Variants in DBT observed in about 807,000 individuals in gnomAD.
DBT encodes lipoamide acyltransferase component of branched-chain alpha-keto acid dehydrogenase complex, mitochondrial.
A neutral mutation model predicts 51.3 loss-of-function variants in DBT; 40 were observed. That is an observed-to-expected ratio of 0.78 (90% CI 0.61 to 1.02). DBT has a LOEUF of 1.02. Ranked by LOEUF, DBT falls within the 50% of genes least tolerant of loss-of-function variation. DBT has a pLI of 0.00. For missense variants in DBT, 510 were observed against 580.2 expected, an observed-to-expected ratio of 0.88 and a Z score of 1.24; for synonymous variants, 181 against 190.4, an observed-to-expected ratio of 0.95 and a Z score of 0.41.
At chr1:100,238,637 A>G (rs1664041790) in intron 2 of DBT, among the ~76,000 whole-genome samples, 1 of 152,084 alleles carries the variant, frequency 6.6e-6, no homozygotes, top group African/African-American at 2.4e-5. Context: ...CTGGGACTAC[A>G]GGTGTGGACC....
Position 100,216,096 on chromosome 1 carries a change from G to C in DBT, c.659C>G (p.Ser220Ter). 6.2e-7 allele frequency: 1 copy of C among 1,613,438 alleles called. No individual in the cohort carries two copies. Among genetic ancestry groups the C allele is most frequent in the Non-Finnish European group, 8.5e-7 (1 of 1,179,380 alleles). Residue 220 changes from serine (S) to a stop codon, truncating the protein, a stop_gained, in exon 6 of 11, where the codon TCA becomes TGA. Coordinates refer to ENST00000370132, the MANE Select transcript of DBT (RefSeq NM_001918.5). LOFTEE classifies it high-confidence loss of function. ...AGGTGGCATAATTTCAACTTTGGGTGAAGGAGGCAATATAGCTCCTGTCTG... is the reference window on the plus strand; with the variant it reads ...AGGTGGCATAATTTCAACTTTGGGTCAAGGAGGCAATATAGCTCCTGTCTG... ...EKQTGAILPP[S>*]PKVEIMPPPP...
At chr1:100,222,731 C>T (rs192817431) in intron 4 of DBT, among the ~76,000 whole-genome samples, 1 of 152,284 alleles carries the variant, frequency 6.6e-6, no homozygotes, top group Admixed American at 6.5e-5. Flanking sequence ...AAGTATTCTG[C>T]TAAAGCTCAT....
intron 2 of DBT, among the ~76,000 whole-genome samples, chr1:100,238,894 A>G (rs1664054280): frequency 6.6e-6 from 1 of 151,882 alleles, no homozygotes; most frequent in Non-Finnish European, 1.5e-5. Context: ...GTACAAGAAG[A>G]GAGGGCAAAG....
intron 2 of DBT, among the ~76,000 whole-genome samples, chr1:100,240,024 A>C (rs1245914981): frequency 6.6e-6 from 1 of 152,150 alleles, no homozygotes; most frequent in African/African-American, 2.4e-5. Context: ...TTCTAAATAG[A>C]ACATCAGGAA....
chr1:100,224,404 G>T (rs567795481), intron 4 of DBT, among the ~76,000 whole-genome samples: 3 of 152,014 alleles, frequency 2.0e-5, no homozygotes, highest in Admixed American at 2.0e-4. Context: ...TCATTAAGCT[G>T]AATTTAATTT....
At chr1:100,225,042 A>AT (rs1334781885) in intron 4 of DBT, among the ~76,000 whole-genome samples, 3,505 of 45,612 alleles carry the variant, frequency 0.077, 562 homozygotes, top group African/African-American at 0.13. Context: ...AAAAAAAAAA[A>AT]ATATATATAT....
At chr1:100,205,531 A>T (rs938662735) in intron 10 of DBT, among the ~76,000 whole-genome samples, 2 of 152,216 alleles carry the variant, frequency 1.3e-5, no homozygotes, top group African/African-American at 4.8e-5. Flanking sequence ...CCATTGTGGA[A>T]GACAGTGTGG....
intron 2 of DBT, among the ~76,000 whole-genome samples, chr1:100,237,502 CTTTAGGTCTACAAG>C (rs2100837977): frequency 6.6e-6 from 1 of 152,204 alleles, no homozygotes; most frequent in Non-Finnish European, 1.5e-5. Flanking sequence ...AGATCTGCAA[CTTTAGGTCTACAAG>C]TTTAGAAAAA....
chr1:100,200,509 G>A lies in DBT; in HGVS notation c.1282-4087C>T, dbSNP rs116429139. On this transcript the variant is annotated intron_variant, in intron 10 of 10. Transcript: ENST00000370132. ...GCAGAATTAAACCTTCCTGCCTGCCGACTCTGAAAAGAGCAGTGGATCTCC... is the reference window on the plus strand; with the variant it reads ...GCAGAATTAAACCTTCCTGCCTGCCAACTCTGAAAAGAGCAGTGGATCTCC... 9.3e-3 allele frequency among the ~76,000 whole-genome samples: 1,421 copies of A among 152,290 alleles called. 24 individuals are homozygous for A. The highest frequency in any genetic ancestry group is 0.033 in the African/African-American group (1,368 of 41,544).
intron 7 of DBT, among the ~76,000 whole-genome samples, chr1:100,213,095 G>A (rs1169515890): frequency 6.6e-6 from 1 of 152,216 alleles, no homozygotes; most frequent in Non-Finnish European, 1.5e-5. Context: ...TTAGCTGTAA[G>A]TCCTTAACAA....
chr1:100,208,910 CAA>C (rs11369687), intron 8 of DBT, among the ~76,000 whole-genome samples: 17 of 109,394 alleles, frequency 1.6e-4, no homozygotes, highest in Admixed American at 5.1e-4. Flanking sequence ...GACTCTGTAT[CAA>C]AAAAAAAAAA....
At chr1:100,223,230 T>C (rs1263535799) in intron 4 of DBT, among the ~76,000 whole-genome samples, 2 of 152,162 alleles carry the variant, frequency 1.3e-5, no homozygotes, top group African/African-American at 2.4e-5. Flanking sequence ...TTTTGAAAAG[T>C]TTTGGAACAA....
chr1:100,218,987 GAT>G (rs1662669386), intron 4 of DBT, among the ~76,000 whole-genome samples: 1 of 151,898 alleles, frequency 6.6e-6, no homozygotes. Context: ...GTACCTGGTG[GAT>G]ATGTCACTCC....
At chr1:100,228,999 C>A (rs1461663675) in intron 4 of DBT, among the ~76,000 whole-genome samples, 1 of 152,246 alleles carries the variant, frequency 6.6e-6, no homozygotes, top group Non-Finnish European at 1.5e-5. Flanking sequence ...CTGCAATGCA[C>A]CCCTCCTGCT....
chr1:100,206,511 G>C lies in DBT; in HGVS notation c.1143C>G (p.Gly381=), dbSNP rs1052326198. ...CAGTGGTGCTGAGCTGACTCACAGA[G>C]CCCAATTTCTGGAGGCGGTTCAGTT... ...ATELNRLQKL[G]SVSQLSTTDL... Residue 381 remains glycine, a synonymous_variant, in exon 9 of 11, where the codon GGC becomes GGG. Coordinates refer to ENST00000370132, the MANE Select transcript of DBT (RefSeq NM_001918.5). 13 of 1,613,438 alleles carry C rather than the reference G, an allele frequency of 8.1e-6. No individual in the cohort carries two copies. In the Admixed American group the frequency reaches 1.5e-4, roughly 19 times the overall value.
At chr1:100,218,816 G>A in intron 4 of DBT, 69 bp from the exon 5 acceptor site, 1 of 1,318,860 alleles carries the variant, frequency 7.6e-7, no homozygotes, top group Non-Finnish European at 1.1e-6. Flanking sequence ...TGTAAAGTAA[G>A]GCCACTAAGA....
At chr1:100,210,634 C>A (rs1662079194) in intron 8 of DBT, 60 bp downstream of exon 8, 4 of 1,608,078 alleles carry the variant, frequency 2.5e-6, no homozygotes, top group Non-Finnish European at 3.4e-6. Context: ...CTCTAATCTA[C>A]AAGCACATTT....
rs772411032 is a variant in DBT at position 100,230,874 on chromosome 1, T to C, written c.292A>G (p.Ile98Val). 1.1e-5 allele frequency: 18 copies of C among 1,608,182 alleles called. No homozygotes were observed. The highest frequency in any genetic ancestry group is 4.5e-5 in the East Asian group (2 of 44,760). Residue 98 changes from isoleucine (I) to valine (V), a missense_variant, in exon 4 of 11, where the codon ATC (isoleucine) becomes GTC (valine). Physicochemically the swap from Ile to Val is conservative, Grantham distance 29. Transcript: ENST00000370132. ...GCTTTATCACTTTGAACTTCACAGA[T>C]GCTATCAAACTGAGACACTGTATCT... ...EGDTVSQFDS[I>V]CEVQSDKASV...
rs72973760 is a variant in DBT, at chr1:100,215,215, A to T, written c.773-232T>A. Reference sequence around the variant, plus strand: ...GGCAAATGCAATAACATAGCAGGTAACTGCTTTAAATGCTGTGTTATATAA... The same window carrying T: ...GGCAAATGCAATAACATAGCAGGTATCTGCTTTAAATGCTGTGTTATATAA... On this transcript the variant is annotated intron_variant, in intron 6 of 10. Transcript: ENST00000370132. 0.032 allele frequency among the ~76,000 whole-genome samples: 4,832 copies of T among 152,312 alleles called. 288 individuals carry two copies. The highest frequency in any genetic ancestry group is 0.11 in the African/African-American group (4,639 of 41,538).
Sources: gnomAD v4.1 joint callset for allele counts (sites outside exome capture counted in the v4.1 genomes callset) on GRCh38, gnomAD v4.1.1 for gene constraint, MANE v1.5 for transcripts, NCBI Gene and HGNC (gene_info 2026-07-23, HGNC 2026-07-21) for gene names.